FNDC3A: variants seen among roughly 807,000 people sequenced by gnomAD.
FNDC3A encodes fibronectin type III domain containing 3A, also known as fibronectin type-III domain-containing protein 3A.
A neutral mutation model predicts 148.9 loss-of-function variants in FNDC3A; 32 were observed. The ratio of observed to expected loss-of-function variants is 0.21; its 90% CI spans 0.16 to 0.29. The LOEUF is 0.29. Among genes scored for constraint, FNDC3A ranks in the 10% least tolerant of loss-of-function variants. FNDC3A has a pLI of 1.00. For missense variants in FNDC3A, 1,191 were observed against 1,452.8 expected, an observed-to-expected ratio of 0.82 and a Z score of 2.93; for synonymous variants, 472 against 473.6, an observed-to-expected ratio of 1.00 and a Z score of 0.04.
intron 2 of FNDC3A, among the ~76,000 whole-genome samples, chr13:49,052,229 A>G (rs945070716): frequency 6.6e-6 from 1 of 152,076 alleles, no homozygotes; most frequent in Non-Finnish European, 1.5e-5. Context: ...GTGAGCTGGT[A>G]TGATCTTTTG....
intron 2 of FNDC3A, among the ~76,000 whole-genome samples, chr13:49,045,292 T>C (rs1875305068): frequency 6.6e-6 from 1 of 152,126 alleles, no homozygotes; most frequent in African/African-American, 2.4e-5. Context: ...TAGCTGGGAC[T>C]ACAAGTGCGT....
intron 3 of FNDC3A, among the ~76,000 whole-genome samples, chr13:49,102,128 CG>C (rs548841080): frequency 1.2e-3 from 181 of 151,814 alleles, no homozygotes; most frequent in African/African-American, 4.3e-3. Flanking sequence ...ATGAAGCAAG[CG>C]TAGCTTTTTT....
At chr13:49,206,309 CA>C (rs1183028434) in intron 25 of FNDC3A, among the ~76,000 whole-genome samples, 3 of 146,286 alleles carry the variant, frequency 2.1e-5, no homozygotes, top group Non-Finnish European at 4.5e-5. Context: ...CCTTGGATGC[CA>C]GGGGTGAACA....
intron 2 of FNDC3A, among the ~76,000 whole-genome samples, chr13:49,024,343 A>C (rs765688980): frequency 3.9e-5 from 6 of 152,008 alleles, no homozygotes; most frequent in Non-Finnish European, 8.8e-5. Context: ...CCAAAAAGTT[A>C]AAGCAGAAAG....
At chr13:49,050,965 C>T (rs956947109) in intron 2 of FNDC3A, among the ~76,000 whole-genome samples, 9 of 152,098 alleles carry the variant, frequency 5.9e-5, no homozygotes, top group African/African-American at 2.2e-4. Flanking sequence ...GATAGCTGCT[C>T]CTACTCCTAC....
intron 2 of FNDC3A, among the ~76,000 whole-genome samples, chr13:49,037,255 C>T (rs9535134): frequency 6.6e-6 from 1 of 152,206 alleles, no homozygotes; most frequent in Non-Finnish European, 1.5e-5. Flanking sequence ...AGTCACTGTT[C>T]TATGCACTTA....
intron 17 of FNDC3A, among the ~76,000 whole-genome samples, chr13:49,189,639 A>C (rs1885779568): frequency 6.6e-6 from 1 of 152,158 alleles, no homozygotes; most frequent in South Asian, 2.1e-4. Flanking sequence ...CTAATGTGCA[A>C]CTGAGTGTGA....
intron 16 of FNDC3A, chr13:49,187,564 G>A (rs1396133824): frequency 1.1e-5 from 17 of 1,610,162 alleles, no homozygotes; most frequent in Middle Eastern, 2.2e-4. Context: ...AGCTAGTAAC[G>A]ACCACTTGTT....
intron 2 of FNDC3A, among the ~76,000 whole-genome samples, chr13:49,062,997 T>A (rs1026334960): frequency 6.6e-6 from 1 of 152,216 alleles, no homozygotes; most frequent in Non-Finnish European, 1.5e-5. Flanking sequence ...TATGTGTATA[T>A]CATGTTTGGT....
chr13:49,003,158 C>T (rs1442253761), intron 1 of FNDC3A, among the ~76,000 whole-genome samples: 1 of 152,112 alleles, frequency 6.6e-6, no homozygotes, highest in African/African-American at 2.4e-5. Flanking sequence ...CTCCACCTCC[C>T]AGGTTCAAGT....
intron 4 of FNDC3A, among the ~76,000 whole-genome samples, chr13:49,129,574 C>T (rs1881905445): frequency 6.6e-6 from 1 of 152,168 alleles, no homozygotes; most frequent in African/African-American, 2.4e-5. Flanking sequence ...TCAGCAGTTC[C>T]CAGATTCCCT....
At chr13:49,163,576 C>T (rs1369872492) in intron 8 of FNDC3A, among the ~76,000 whole-genome samples, 1 of 152,164 alleles carries the variant, frequency 6.6e-6, no homozygotes, top group African/African-American at 2.4e-5. Context: ...TTCGCTGACC[C>T]CTTGCACTTT....
chr13:49,024,416 C>T (rs1329683348), intron 2 of FNDC3A, among the ~76,000 whole-genome samples: 3 of 151,688 alleles, frequency 2.0e-5, no homozygotes, highest in Non-Finnish European at 4.4e-5. Flanking sequence ...TACAAGGACA[C>T]AACAGAAAAA....
At chr13:49,151,875 A>G (rs9526526) in intron 8 of FNDC3A, among the ~76,000 whole-genome samples, 88,018 of 152,016 alleles carry the variant, frequency 0.58, 27,140 homozygotes, top group Non-Finnish European at 0.68. Context: ...GATGGTTTCC[A>G]GCCTCATCCA....
At chr13:49,010,556 A>T (rs1952319073) in intron 2 of FNDC3A, among the ~76,000 whole-genome samples, 4 of 152,230 alleles carry the variant, frequency 2.6e-5, no homozygotes, top group Admixed American at 2.6e-4. Flanking sequence ...CTAAGAAAAC[A>T]CAGAATGTGC....
intron 2 of FNDC3A, among the ~76,000 whole-genome samples, chr13:49,016,865 T>C (rs1441251769): frequency 3.3e-5 from 5 of 151,584 alleles, no homozygotes; most frequent in African/African-American, 1.2e-4. Flanking sequence ...ATGTACCCAG[T>C]AGTCATTCAG....
chr13:49,049,452 G>A (rs996216893), intron 2 of FNDC3A, among the ~76,000 whole-genome samples: 2 of 150,058 alleles, frequency 1.3e-5, no homozygotes, highest in Admixed American at 1.3e-4. Context: ...CTTTTTTTTT[G>A]TTTGCAGTTT....
At chr13:49,140,104 A>T (rs1282234789) in intron 7 of FNDC3A, among the ~76,000 whole-genome samples, 1 of 152,182 alleles carries the variant, frequency 6.6e-6, no homozygotes, top group East Asian at 1.9e-4. Context: ...AAACCAAGAC[A>T]AGAAGATCAC....
chr13:49,199,642 G>A (rs1402652867), intron 23 of FNDC3A, among the ~76,000 whole-genome samples: 2 of 152,084 alleles, frequency 1.3e-5, no homozygotes, highest in African/African-American at 4.8e-5. Flanking sequence ...CAATTTTATA[G>A]TAAATGATTA....
Sources: allele counts gnomAD v4.1 joint callset (sites outside exome capture counted in the v4.1 genomes callset), GRCh38; gene constraint gnomAD v4.1.1; transcripts MANE v1.5; gene names NCBI Gene and HGNC (gene_info 2026-07-23, HGNC 2026-07-21).